The following TREML2 variants were observed in gnomAD, a reference collection of about 807,000 sequenced individuals.
TREML2 encodes triggering receptor expressed on myeloid cells like 2.
Under a neutral mutation model 25.9 loss-of-function variants are expected in TREML2, and 24 were observed. The ratio of observed to expected loss-of-function variants is 0.93; its 90% CI spans 0.67 to 1.30. The LOEUF (loss-of-function observed/expected upper bound fraction) is 1.30, where lower values mean the gene tolerates loss of function less well. Among genes scored for constraint, TREML2 ranks in the 50% most tolerant of loss-of-function variants. The pLI, the probability that TREML2 is intolerant of heterozygous loss-of-function variation, is 0.00. For missense variants in TREML2, 359 were observed against 395.6 expected (o/e 0.91, Z 0.78); for synonymous variants, 139 against 155.2 (o/e 0.90, Z 0.77).
At chr6:41,195,808 AG>A (rs1766149418) in intron 2 of TREML2, among the ~76,000 whole-genome samples, 1 of 152,246 alleles carries the variant, frequency 6.6e-6, no homozygotes, top group Non-Finnish European at 1.5e-5. Context: ...CAACAGGGAA[AG>A]CATTCCTACA....
rs151040302 is a variant in TREML2, at chr6:41,201,043, A to G, written c.-35T>C. On this transcript the variant is annotated 5_prime_UTR_variant, in exon 1 of 5. Transcript: ENST00000483722. ...CAGCTGGGCAGTGTCAGGCCTGGAG[A>G]TCCAAGGTGAGGGCCCACCCGACAC... 1.0e-4 allele frequency: 163 copies of G among 1,611,604 alleles called. No homozygotes were observed. The Middle Eastern group carries it at 1.5e-3, about 15-fold the overall frequency.
chr6:41,196,153 A>G (rs779139800), intron 2 of TREML2, among the ~76,000 whole-genome samples: 1 of 152,254 alleles, frequency 6.6e-6, no homozygotes. Flanking sequence ...GAGATGTGAC[A>G]TAACATGATT....
At chr6:41,198,683 G>A (rs1766222347) in intron 1 of TREML2, among the ~76,000 whole-genome samples, 1 of 152,176 alleles carries the variant, frequency 6.6e-6, no homozygotes, top group African/African-American at 2.4e-5. Flanking sequence ...CTTTCAGTCT[G>A]ATGGAGGAGG....
rs142327058 is a variant in TREML2, at chr6:41,201,063, C to T, written c.-55G>A. 392 of 1,601,560 alleles carry T rather than the reference C, an allele frequency of 2.4e-4. 2 individuals are homozygous for T. The highest frequency in any genetic ancestry group is 7.0e-4 in the Admixed American group (42 of 59,694). On this transcript the variant is annotated 5_prime_UTR_variant, in exon 1 of 5. Transcript: ENST00000483722. ...TGGAGATCCAAGGTGAGGGCCCACC[C>T]GACACAGGATGTGCCACCTGGGCCT...
In TREML2 at chr6:41,198,119, A is replaced by G; in HGVS notation, c.366T>C (p.Asp122=). The G allele has an allele frequency of 6.3e-7, 1 of 1,594,102 alleles. No homozygotes were observed. The highest frequency in any genetic ancestry group is 1.9e-4 in the Middle Eastern group (1 of 5,368). ...ILYPLMGFQL[D]VSPAPQTERN... Reference sequence around the variant, plus strand: ...CTGCAGCCTGCTCACCTGGAGACACATCCAGCTGGAAGCCCATCAAGGGGT... The same window carrying G: ...CTGCAGCCTGCTCACCTGGAGACACGTCCAGCTGGAAGCCCATCAAGGGGT... Residue 122 remains aspartate (D), a synonymous_variant, in exon 2 of 5, where the codon GAT becomes GAC. Coordinates refer to ENST00000483722, the MANE Select transcript of TREML2 (RefSeq NM_024807.4).
At chr6:41,194,355 A>G in intron 3 of TREML2, 70 bp downstream of exon 3, 1 of 1,430,494 alleles carries the variant, frequency 7.0e-7, no homozygotes, top group South Asian at 1.4e-5. Flanking sequence ...GGTCAGATAT[A>G]AGACTTGCAC....
chr6:41,200,871 G>A, intron 1 of TREML2, 83 bp downstream of exon 1: 1 of 1,230,894 alleles, frequency 8.1e-7, no homozygotes, highest in Non-Finnish European at 1.1e-6. Context: ...GAAAACTGCT[G>A]GTAAGGAGGG....
In TREML2 at chr6:41,198,100, C is replaced by T; in HGVS notation, c.376+9G>A. Reference sequence around the variant, plus strand: ...TCCACCCGTCCCAGAGCCACTGCAGCCTGCTCACCTGGAGACACATCCAGC... The same window carrying T: ...TCCACCCGTCCCAGAGCCACTGCAGTCTGCTCACCTGGAGACACATCCAGC... On this transcript the variant is annotated intron_variant, in intron 2 of 4. Coordinates refer to ENST00000483722, the MANE Select transcript of TREML2 (RefSeq NM_024807.4). The T allele has an allele frequency of 2.5e-6, 4 of 1,574,554 alleles. No individual in the cohort carries two copies. The highest frequency in any genetic ancestry group is 3.5e-6 in the Non-Finnish European group (4 of 1,156,118).
Position 41,194,389 on chromosome 6 carries a change from G to A in TREML2, c.785+36C>T, listed in dbSNP as rs1766119492. ...ACCTCCAGGTCTGTTTGGGCACTAAGTGCTGGTGCCACTCAACCCCAGGCC... is the reference window on the plus strand; with the variant it reads ...ACCTCCAGGTCTGTTTGGGCACTAAATGCTGGTGCCACTCAACCCCAGGCC... On this transcript the variant is annotated intron_variant, in intron 3 of 4. Coordinates refer to ENST00000483722, the MANE Select transcript of TREML2 (RefSeq NM_024807.4). The A allele has an allele frequency of 6.0e-6, 9 of 1,507,072 alleles. No homozygotes were observed. The South Asian group carries it at 7.8e-5, about 13-fold the overall frequency. The allele number at this position is 1,507,072 out of a possible 1,614,324, so 93.4% of individuals were successfully genotyped here.
intron 2 of TREML2, among the ~76,000 whole-genome samples, chr6:41,195,949 G>A (rs539217549): frequency 4.7e-4 from 71 of 152,306 alleles, no homozygotes; most frequent in Middle Eastern, 3.4e-3. Flanking sequence ...TGGGGAGCTG[G>A]GCAGCCAGTA....
chr6:41,195,286 T>C (rs772656259), intron 2 of TREML2, among the ~76,000 whole-genome samples: 13 of 152,072 alleles, frequency 8.5e-5, no homozygotes, highest in Non-Finnish European at 8.8e-5. Context: ...CTGCAGTCAG[T>C]TGGGGTCAGA....
chr6:41,195,316 C>G (rs1486256233), intron 2 of TREML2, among the ~76,000 whole-genome samples: 1 of 152,172 alleles, frequency 6.6e-6, no homozygotes, highest in Non-Finnish European at 1.5e-5. Context: ...TGGGGGCTCA[C>G]TAAGAGATAT....
chr6:41,198,558 G>A, intron 1 of TREML2, 129 bp from the exon 2 acceptor site: 3 of 1,046,006 alleles, frequency 2.9e-6, no homozygotes, highest in East Asian at 5.0e-5. Flanking sequence ...AGATTGAGGG[G>A]GAAATACAGC....
intron 2 of TREML2, 39 bp from the exon 3 acceptor site, chr6:41,194,872 G>A: frequency 6.5e-7 from 1 of 1,531,472 alleles, no homozygotes; most frequent in South Asian, 1.3e-5. Context: ...ATTGACTTGG[G>A]TGCCTCAGTG....
intron 1 of TREML2, among the ~76,000 whole-genome samples, chr6:41,198,894 G>T (rs147559735): frequency 6.6e-6 from 1 of 152,092 alleles, no homozygotes. Flanking sequence ...ACGGAGTCTC[G>T]CTCTGTTGCC....
chr6:41,196,297 C>T (rs951054130), intron 2 of TREML2, among the ~76,000 whole-genome samples: 1 of 152,212 alleles, frequency 6.6e-6, no homozygotes, highest in Non-Finnish European at 1.5e-5. Context: ...TGAGATTTGG[C>T]TCCACATTTT....
intron 3 of TREML2, 135 bp from the exon 4 acceptor site, chr6:41,193,036 A>G: frequency 1.6e-6 from 1 of 643,242 alleles, no homozygotes; most frequent in Admixed American, 3.5e-5. Context: ...TTCCTTACAG[A>G]CCCGGCCACA....
chr6:41,197,693 G>A (rs768776694), intron 2 of TREML2, among the ~76,000 whole-genome samples: 8 of 152,126 alleles, frequency 5.3e-5, no homozygotes, highest in Non-Finnish European at 1.0e-4. Context: ...TTATTTGTCT[G>A]GATAATAAGT....
At chr6:41,193,543 C>T (rs1050398541) in intron 3 of TREML2, among the ~76,000 whole-genome samples, 1 of 152,020 alleles carries the variant, frequency 6.6e-6, no homozygotes, top group Non-Finnish European at 1.5e-5. Context: ...TGGTTAAGTA[C>T]TCTTTATTAG....
Sources: allele counts gnomAD v4.1 joint callset (sites outside exome capture counted in the v4.1 genomes callset), GRCh38; gene constraint gnomAD v4.1.1; transcripts MANE v1.5; gene names NCBI Gene and HGNC (gene_info 2026-07-23, HGNC 2026-07-21).